Variants in CDC123 observed in about 807,000 individuals in gnomAD.
CDC123 encodes translation initiation factor eIF2 assembly protein.
A neutral mutation model predicts 54.4 loss-of-function variants in CDC123; 37 were observed. That is an observed-to-expected ratio of 0.68 (90% CI 0.52 to 0.89). The LOEUF is 0.89. CDC123 is among the 40% of genes least tolerant of loss of function. CDC123 has a pLI of 0.00. For missense variants in CDC123, 361 were observed against 412.1 expected (o/e 0.88, Z 1.07); for synonymous variants, 144 against 136.8 (o/e 1.05, Z -0.37).
chr10:12,214,781 A>G (rs984017437), intron 4 of CDC123, among the ~76,000 whole-genome samples: 1 of 152,066 alleles, frequency 6.6e-6, no homozygotes, highest in Non-Finnish European at 1.5e-5. Flanking sequence ...TAGTTAATTC[A>G]AGATGTAGTC....
chr10:12,248,944 C>G (rs1447581098), intron 11 of CDC123, among the ~76,000 whole-genome samples: 1 of 151,636 alleles, frequency 6.6e-6, no homozygotes, highest in Non-Finnish European at 1.5e-5. Context: ...ATCCCTATCT[C>G]TACTAAAAAT....
At chr10:12,213,096 GTAA>G (rs1011649056) in intron 4 of CDC123, among the ~76,000 whole-genome samples, 44 of 152,346 alleles carry the variant, frequency 2.9e-4, no homozygotes, top group African/African-American at 8.7e-4. Flanking sequence ...GGCAACCATT[GTAA>G]TAATATTTGA....
At chr10:12,210,195 T>C in intron 3 of CDC123, 95 bp from the exon 4 acceptor site, 1 of 1,500,976 alleles carries the variant, frequency 6.7e-7, no homozygotes, top group South Asian at 1.2e-5. Flanking sequence ...AGATGTCTCC[T>C]GTTTGATTTA....
Position 12,237,230 on chromosome 10 carries a change from A to G in CDC123, c.652A>G (p.Lys218Glu). 6.3e-7 allele frequency: 1 copy of G among 1,590,256 alleles called. No individual in the cohort carries two copies. The highest frequency in any genetic ancestry group is 8.5e-7 in the Non-Finnish European group (1 of 1,172,220). Reference protein sequence around the residue: ...EIRRCIQDFFKKHIQYKFLDE... With the variant: ...EIRRCIQDFFEKHIQYKFLDE... ...TCGCAGATGCATACAAGACTTTTTC[A>G]AGAAACACATACAGTACAAATTCTT... Residue 218 changes from lysine (K) to glutamate (E), a missense_variant, in exon 9 of 13, where the codon AAG becomes GAG. By Grantham distance (56) the Lys-to-Glu change is moderately conservative. Coordinates refer to ENST00000281141, the MANE Select transcript of CDC123 (RefSeq NM_006023.3).
Position 12,226,802 on chromosome 10 carries a change from T to C in CDC123, c.441-4146T>C, listed in dbSNP as rs369790420. Among the ~76,000 whole-genome samples the C allele has an allele frequency of 2.7e-4, 40 of 147,510 alleles. No individual in the cohort carries two copies. The East Asian group carries it at 6.0e-3, about 22-fold the overall frequency. On this transcript the variant is annotated intron_variant, in intron 6 of 12. Coordinates refer to ENST00000281141, the MANE Select transcript of CDC123 (RefSeq NM_006023.3). ...CGGCCAGGCAGAGGGGCTCCTCACA[T>C]CCCAGACGATGGGCGGCCAGGCAGA...
chr10:12,196,988 C>A (rs915453894), intron 1 of CDC123, among the ~76,000 whole-genome samples: 2 of 151,996 alleles, frequency 1.3e-5, no homozygotes, highest in African/African-American at 4.8e-5. Context: ...ATTTTCTGAG[C>A]CAACATTTCA....
rs551884856 is a variant in CDC123, at chr10:12,198,798, T to A, written c.146+22T>A. The A allele has an allele frequency of 1.1e-5, 14 of 1,289,358 alleles. No individual in the cohort carries two copies. In the South Asian group the frequency reaches 1.6e-4, roughly 15 times the overall value. 79.9% of individuals were successfully genotyped at this position (1,289,358 alleles called of 1,614,324 possible). On this transcript the variant is annotated intron_variant, in intron 2 of 12. Coordinates refer to ENST00000281141, the MANE Select transcript of CDC123 (RefSeq NM_006023.3). ...GAAGGTAAAGTATTTTAGAAAAAAA[T>A]TTCTTAAACTTTATCATAAAGAAAC...
At chr10:12,205,956 G>A (rs1231342810) in intron 2 of CDC123, among the ~76,000 whole-genome samples, 2 of 150,308 alleles carry the variant, frequency 1.3e-5, no homozygotes, top group South Asian at 2.1e-4. Flanking sequence ...CTGCGACCAC[G>A]CCCAGCTAAT....
intron 2 of CDC123, among the ~76,000 whole-genome samples, chr10:12,202,830 C>A (rs1835458510): frequency 6.6e-6 from 1 of 152,192 alleles, no homozygotes; most frequent in African/African-American, 2.4e-5. Context: ...GCTTGGCCAA[C>A]ATGGCGAAAC....
At chr10:12,231,694 T>G (rs1835904219) in intron 7 of CDC123, among the ~76,000 whole-genome samples, 1 of 152,048 alleles carries the variant, frequency 6.6e-6, no homozygotes, top group Non-Finnish European at 1.5e-5. Context: ...TTGATGAGTT[T>G]AAACATAGTA....
chr10:12,226,811 A>G (rs1835825636), intron 6 of CDC123, among the ~76,000 whole-genome samples: 7 of 146,802 alleles, frequency 4.8e-5, no homozygotes, highest in Admixed American at 4.8e-4. Context: ...ATCCCAGACG[A>G]TGGGCGGCCA....
chr10:12,208,513 C>T (rs554632944), intron 2 of CDC123, among the ~76,000 whole-genome samples: 3 of 152,270 alleles, frequency 2.0e-5, no homozygotes, highest in African/African-American at 7.2e-5. Context: ...GTACAATGGG[C>T]AGGTCAGCAA....
intron 2 of CDC123, 125 bp downstream of exon 2, chr10:12,198,901 G>T: frequency 1.6e-6 from 1 of 623,648 alleles, no homozygotes; most frequent in East Asian, 2.8e-5. Context: ...ATGATGTGCT[G>T]ATCTTTGTCT....
intron 10 of CDC123, 39 bp downstream of exon 10, chr10:12,238,524 G>C: frequency 6.3e-7 from 1 of 1,597,874 alleles, no homozygotes; most frequent in Non-Finnish European, 8.5e-7. Flanking sequence ...TAATATAAGA[G>C]CTGGTTTTAT....
chr10:12,210,989 A>G (rs113929657), intron 4 of CDC123, among the ~76,000 whole-genome samples: 1 of 152,292 alleles, frequency 6.6e-6, no homozygotes, highest in Non-Finnish European at 1.5e-5. Context: ...GTTCTGAGCC[A>G]CAGCACCTGG....
chr10:12,198,339 T>C (rs1328361051), intron 1 of CDC123, among the ~76,000 whole-genome samples: 1 of 152,214 alleles, frequency 6.6e-6, no homozygotes, highest in African/African-American at 2.4e-5. Flanking sequence ...AGTCATCTTC[T>C]AGTTGGGTTT....
intron 9 of CDC123, chr10:12,237,469 C>T (rs969215248): frequency 1.8e-5 from 6 of 334,280 alleles, no homozygotes; most frequent in Non-Finnish European, 2.4e-5. Context: ...CAGTCTTACT[C>T]TGTCAGCCAG....
At chr10:12,227,101 C>G (rs552108308) in intron 6 of CDC123, among the ~76,000 whole-genome samples, 3 of 152,150 alleles carry the variant, frequency 2.0e-5, no homozygotes, top group African/African-American at 4.8e-5. Flanking sequence ...CAAAAAAATA[C>G]GAAAACCAGT....
rs531613121 is a variant in CDC123 at position 12,197,383 on chromosome 10, T to G, written c.74+1064T>G. ...AAATTAAAAGCCTGAAGAACTAGAT[T>G]TTTTTTTTTTGAGACAGAGTTTTGT... On this transcript the variant is annotated intron_variant, in intron 1 of 12. Transcript: ENST00000281141. Among the ~76,000 whole-genome samples, 513 of 88,968 alleles carry G rather than the reference T, an allele frequency of 5.8e-3. 2 individuals carry two copies. The highest frequency in any genetic ancestry group is 0.019 in the African/African-American group (467 of 24,772). The allele number at this position is 88,968 out of a possible 152,430, so 58.4% of individuals were successfully genotyped here. A position where few individuals can be genotyped will look rare whatever the true frequency, so the allele number is the denominator to read the frequency against.
Sources: allele counts gnomAD v4.1 joint callset (sites outside exome capture counted in the v4.1 genomes callset), GRCh38; gene constraint gnomAD v4.1.1; transcripts MANE v1.5; gene names NCBI Gene and HGNC (gene_info 2026-07-23, HGNC 2026-07-21).